Variants in GFPT2 observed in about 807,000 individuals in gnomAD.
GFPT2 encodes glutamine--fructose-6-phosphate aminotransferase [isomerizing] 2.
A neutral mutation model predicts 85.6 loss-of-function variants in GFPT2; 62 were observed. That is an observed-to-expected ratio of 0.72 (90% CI 0.59 to 0.90). The LOEUF (loss-of-function observed/expected upper bound fraction) is 0.90, where lower values mean the gene tolerates loss of function less well. GFPT2 is among the 40% of genes least tolerant of loss of function. The pLI is 0.00. For synonymous variants in GFPT2, 368 were observed against 344.5 expected (o/e 1.07, Z -0.75); for missense variants, 788 against 893.4 (o/e 0.88, Z 1.50).
At chr5:180,315,181 C>CTTTTTTTT (rs536865519) in intron 13 of GFPT2, among the ~76,000 whole-genome samples, 11 of 144,142 alleles carry the variant, frequency 7.6e-5, no homozygotes, top group African/African-American at 2.8e-4. Flanking sequence ...TTTTCTTTTT[C>CTTTTTTTT]TTTTTTTTTT....
chr5:180,331,070 G>T, intron 5 of GFPT2: 1 of 544,954 alleles, frequency 1.8e-6, no homozygotes, highest in Non-Finnish European at 3.2e-6. Context: ...TCTGGACATT[G>T]CAAAATAACA....
chr5:180,338,113 A>C (rs189130973), intron 2 of GFPT2, among the ~76,000 whole-genome samples: 110 of 152,306 alleles, frequency 7.2e-4, no homozygotes, highest in Non-Finnish European at 1.3e-3. Flanking sequence ...TAACAAAAAT[A>C]AAAATAAAAA....
At chr5:180,303,178 C>A (rs1250174062) in intron 17 of GFPT2, among the ~76,000 whole-genome samples, 2 of 149,198 alleles carry the variant, frequency 1.3e-5, no homozygotes, top group African/African-American at 4.9e-5. Flanking sequence ...TGCAGTGAGC[C>A]GAGATGGCGC....
At chr5:180,338,420 T>A (rs1210394261) in intron 2 of GFPT2, 73 bp downstream of exon 2, 1 of 702,916 alleles carries the variant, frequency 1.4e-6, no homozygotes, top group Non-Finnish European at 2.5e-6. Flanking sequence ...TAAACCCCCC[T>A]GCAGTGGAGA....
intron 15 of GFPT2, among the ~76,000 whole-genome samples, chr5:180,312,035 T>C (rs144031297): frequency 0.31 from 7,649 of 24,892 alleles, 1,545 homozygotes; most frequent in Non-Finnish European, 0.38. Flanking sequence ...GGCGGGGAGG[T>C]GGGGAGGCTG....
At chr5:180,322,493 T>G (rs1764138491) in intron 9 of GFPT2, among the ~76,000 whole-genome samples, 1 of 152,228 alleles carries the variant, frequency 6.6e-6, no homozygotes, top group Non-Finnish European at 1.5e-5. Context: ...TTGGTTCACC[T>G]AACGTTTGCT....
chr5:180,319,944 A>T (rs1764086753), intron 9 of GFPT2, among the ~76,000 whole-genome samples: 1 of 152,128 alleles, frequency 6.6e-6, no homozygotes, highest in Non-Finnish European at 1.5e-5. Context: ...GGAGCCCTAA[A>T]AGTAGTCTAC....
intron 1 of GFPT2, among the ~76,000 whole-genome samples, chr5:180,340,724 C>T (rs1273772610): frequency 6.6e-6 from 1 of 150,764 alleles, no homozygotes; most frequent in Non-Finnish European, 1.5e-5. Flanking sequence ...CCATGTTAGC[C>T]AGGATGGTCT....
At position 180,331,686 on chromosome 5, in the gene GFPT2, A is replaced by G. The variant is rs1349427094; in HGVS notation, c.341-133T>C. On this transcript the variant is annotated intron_variant, in intron 4 of 18. Coordinates refer to ENST00000253778, the MANE Select transcript of GFPT2 (RefSeq NM_005110.4). ...GACTTCTGTTAAGCACACTTTGTTT[A>G]CAGTGATTAGCACAGATGTTTACGG... 4 of 692,238 alleles carry G rather than the reference A, an allele frequency of 5.8e-6. No homozygotes were observed. The Admixed American group carries it at 8.5e-5, about 15-fold the overall frequency. 42.9% of individuals were successfully genotyped at this position (692,238 alleles called of 1,614,324 possible).
intron 15 of GFPT2, among the ~76,000 whole-genome samples, chr5:180,307,516 A>G (rs769239507): frequency 3.3e-5 from 5 of 152,194 alleles, no homozygotes; most frequent in African/African-American, 4.8e-5. Flanking sequence ...TTGTGTGAAC[A>G]CTTTCTTGAG....
intron 13 of GFPT2, among the ~76,000 whole-genome samples, chr5:180,316,058 T>C (rs1157742279): frequency 6.6e-6 from 1 of 152,206 alleles, no homozygotes; most frequent in Non-Finnish European, 1.5e-5. Context: ...AAGTCTTGGA[T>C]AGGCAAGAAG....
Position 180,336,437 on chromosome 5 carries a change from G to A in GFPT2, c.214+42C>T, listed in dbSNP as rs74503753. On this transcript the variant is annotated intron_variant, in intron 3 of 18. Transcript: ENST00000253778. ...TGGAATACGGTCCTAGAAAGCGGCCGGCGCTGCAGCGGCTCCTCCCACTCA... is the reference window on the plus strand; with the variant it reads ...TGGAATACGGTCCTAGAAAGCGGCCAGCGCTGCAGCGGCTCCTCCCACTCA... 2.4e-4 allele frequency: 255 copies of A among 1,069,112 alleles called. No individual in the cohort carries two copies. The East Asian group carries it at 4.0e-3, about 17-fold the overall frequency. The allele number at this position is 1,069,112 out of a possible 1,614,324, so 66.2% of individuals were successfully genotyped here. A position where few individuals can be genotyped will look rare whatever the true frequency, so the allele number is the denominator to read the frequency against.
intron 10 of GFPT2, among the ~76,000 whole-genome samples, chr5:180,317,672 T>C (rs1366725580): frequency 1.7e-5 from 2 of 119,048 alleles, no homozygotes; most frequent in Admixed American, 1.9e-4. Flanking sequence ...GGCAGGAGAA[T>C]GGCGTGAACC....
At chr5:180,305,750 C>T (rs559315106) in intron 16 of GFPT2, among the ~76,000 whole-genome samples, 4 of 152,182 alleles carry the variant, frequency 2.6e-5, no homozygotes, top group Non-Finnish European at 4.4e-5. Flanking sequence ...CCACCCATGA[C>T]GCAGAGTCAT....
At chr5:180,322,283 G>A (rs1236539166) in intron 9 of GFPT2, among the ~76,000 whole-genome samples, 1 of 151,110 alleles carries the variant, frequency 6.6e-6, no homozygotes. Context: ...GCAACTTAAT[G>A]AGACCCTGTC....
intron 16 of GFPT2, among the ~76,000 whole-genome samples, chr5:180,305,350 A>G (rs729568): frequency 0.63 from 95,751 of 152,112 alleles, 30,234 homozygotes; most frequent in East Asian, 0.87. Context: ...TTATCTGATT[A>G]AGCATTTGCC....
intron 1 of GFPT2, among the ~76,000 whole-genome samples, chr5:180,350,315 T>G (rs1319232757): frequency 6.6e-6 from 1 of 152,236 alleles, no homozygotes; most frequent in Non-Finnish European, 1.5e-5. Context: ...CCTACTTATG[T>G]GAAATCTCCC....
intron 9 of GFPT2, among the ~76,000 whole-genome samples, chr5:180,321,174 T>C (rs759507429): frequency 1.3e-4 from 19 of 151,576 alleles, no homozygotes; most frequent in Non-Finnish European, 2.5e-4. Flanking sequence ...AAATTTTGTA[T>C]AGAAATATAT....
In GFPT2 at chr5:180,302,540, G is replaced by C. The variant is rs1763696828; in HGVS notation, c.1887C>G (p.Ser629=). Residue 629 remains serine, a synonymous_variant, in exon 18 of 19, where the codon TCC becomes TCG. Coordinates refer to ENST00000253778, the MANE Select transcript of GFPT2 (RefSeq NM_005110.4). The stretch of plus-strand genomic sequence containing the variant: ...GCTCAATTGTCTTATACGCAAACTT[G>C]GAACTTTCAGTATCGTCCTTGGAGC... ...ILCSKDDTES[S]KFAYKTIELP... is the part of the protein sequence containing the mutation. 6.2e-7 allele frequency: 1 copy of C among 1,613,970 alleles called. No individual in the cohort carries two copies.
Sources: gnomAD v4.1 joint callset for allele counts (sites outside exome capture counted in the v4.1 genomes callset) on GRCh38, gnomAD v4.1.1 for gene constraint, MANE v1.5 for transcripts, NCBI Gene and HGNC (gene_info 2026-07-23, HGNC 2026-07-21) for gene names.